ZFHX3: variants seen among roughly 807,000 people sequenced by gnomAD.
ZFHX3 encodes zinc finger homeobox 3.
ZFHX3 carries 42 observed loss-of-function variants against 279.1 expected under a neutral mutation model. The observed-to-expected ratio is 0.15, with a 90% CI of 0.12 to 0.19. The LOEUF is 0.19. Ranked by LOEUF, ZFHX3 falls within the 10% of genes least tolerant of loss-of-function variation. The pLI, the probability that ZFHX3 is intolerant of heterozygous loss-of-function variation, is 1.00. For synonymous variants in ZFHX3, 2,293 were observed against 1,957.8 expected (o/e 1.17, Z -4.52); for missense variants, 4,981 against 4,754.0 (o/e 1.05, Z -1.40).
intron 1 of ZFHX3, among the ~76,000 whole-genome samples, chr16:72,974,928 G>A (rs1310202903): frequency 6.6e-6 from 1 of 152,142 alleles, no homozygotes; most frequent in Non-Finnish European, 1.5e-5. Context: ...ATAACTCACT[G>A]CACTAGACTG....
intron 3 of ZFHX3, among the ~76,000 whole-genome samples, chr16:73,395,121 G>A (rs2017100886): frequency 6.6e-6 from 1 of 152,176 alleles, no homozygotes; most frequent in African/African-American, 2.4e-5. Context: ...GAGGGGAGAT[G>A]TCAGGGATAA....
chr16:72,837,623 G>A (rs888875951), intron 4 of ZFHX3, among the ~76,000 whole-genome samples: 4 of 144,364 alleles, frequency 2.8e-5, no homozygotes, highest in South Asian at 2.1e-4. Context: ...ATGCCACCAC[G>A]CCTAGATAAT....
At chr16:73,516,628 G>C (rs1202002224) in intron 2 of ZFHX3, among the ~76,000 whole-genome samples, 2 of 152,114 alleles carry the variant, frequency 1.3e-5, no homozygotes, top group Admixed American at 6.5e-5. Context: ...TTGAACCTCA[G>C]AACCAATATA....
intron 3 of ZFHX3, among the ~76,000 whole-genome samples, chr16:73,346,895 C>A (rs1445323849): frequency 2.0e-5 from 3 of 152,170 alleles, no homozygotes; most frequent in Non-Finnish European, 4.4e-5. Flanking sequence ...CTATTTACCA[C>A]TGTTGTAATT....
chr16:73,693,070 C>A (rs1467686382), intron 1 of ZFHX3, among the ~76,000 whole-genome samples: 1 of 152,018 alleles, frequency 6.6e-6, no homozygotes, highest in Non-Finnish European at 1.5e-5. Flanking sequence ...TAGGGGACAC[C>A]ACAGGTCTCT....
chr16:72,906,804 T>C (rs1283513457), intron 3 of ZFHX3, among the ~76,000 whole-genome samples: 1 of 151,894 alleles, frequency 6.6e-6, no homozygotes, highest in Non-Finnish European at 1.5e-5. Flanking sequence ...TCCACCCCCC[T>C]TCCCCCCCTC....
intron 2 of ZFHX3, among the ~76,000 whole-genome samples, chr16:73,557,117 A>G (rs866354540): frequency 1.3e-4 from 18 of 143,978 alleles, no homozygotes; most frequent in African/African-American, 4.6e-4. Context: ...AAAAAAAAAA[A>G]AAAGGCCTCA....
At chr16:73,609,788 C>G (rs906979817) in intron 2 of ZFHX3, 1 of 152,098 alleles carries the variant, frequency 6.6e-6, no homozygotes, top group Non-Finnish European at 1.5e-5. Context: ...AAATTCACAC[C>G]CAATCAAGTT....
chr16:73,510,150 CT>C (rs1486683032), intron 2 of ZFHX3, among the ~76,000 whole-genome samples: 3 of 152,178 alleles, frequency 2.0e-5, no homozygotes, highest in African/African-American at 4.8e-5. Context: ...GAAGACACCC[CT>C]GATCAGCAAA....
chr16:73,620,617 G>T (rs2052349719), intron 2 of ZFHX3, among the ~76,000 whole-genome samples: 1 of 152,194 alleles, frequency 6.6e-6, no homozygotes, highest in Non-Finnish European at 1.5e-5. Flanking sequence ...CCAATTTTCT[G>T]AGAAATTTCA....
rs1326695674 is a variant in ZFHX3, at chr16:72,794,379, G to A, written c.8303C>T (p.Thr2768Ile). Reference sequence around the variant, plus strand: ...GCTTGGGGGTAGGTGGGAAAAGCTAGTTCCGTCAAAAATATCTCCTTTCAT... The same window carrying A: ...GCTTGGGGGTAGGTGGGAAAAGCTAATTCCGTCAAAAATATCTCCTTTCAT... The part of the protein sequence containing the change: ...LQMKGDIFDG[T>I]SFSHLPPSSS... Residue 2768 changes from threonine (T) to isoleucine (I), a missense_variant, in exon 9 of 10, where the codon ACT becomes ATT. Physicochemically the swap from Thr to Ile is moderately conservative, Grantham distance 89. Coordinates refer to ENST00000268489, the MANE Select transcript of ZFHX3 (RefSeq NM_006885.4). This position sits in a 1 kb window ranked among gnomAD's most constrained non-coding sequence, Gnocchi z 4.2. The A allele has an allele frequency of 1.2e-6, 2 of 1,604,522 alleles. No homozygotes were observed. Among genetic ancestry groups the A allele is most frequent in the African/African-American group, 2.7e-5 (2 of 74,850 alleles).
chr16:72,863,340 T>TAAAAAAAAAAAAAAA (rs66692129), intron 4 of ZFHX3, among the ~76,000 whole-genome samples: 2 of 64,624 alleles, frequency 3.1e-5, no homozygotes, highest in African/African-American at 1.5e-4. Flanking sequence ...TCATCTCTAC[T>TAAAAAAAAAAAAAAA]AAAAAAAAAA....
intron 2 of ZFHX3, among the ~76,000 whole-genome samples, chr16:73,573,644 A>G (rs2051764940): frequency 6.6e-6 from 1 of 152,220 alleles, no homozygotes; most frequent in Non-Finnish European, 1.5e-5. Flanking sequence ...TATGATGATG[A>G]TTTAATTTAT....
At chr16:73,293,599 G>C (rs372169484) in intron 4 of ZFHX3, among the ~76,000 whole-genome samples, 35 of 152,360 alleles carry the variant, frequency 2.3e-4, no homozygotes, top group African/African-American at 8.4e-4. Context: ...AATTAAAGGA[G>C]TGTGGATTTT....
intron 2 of ZFHX3, among the ~76,000 whole-genome samples, chr16:73,509,790 G>C (rs1375915563): frequency 6.6e-6 from 1 of 151,346 alleles, no homozygotes; most frequent in Admixed American, 6.6e-5. Context: ...CCACCCCCGG[G>C]GTTCAAGCAA....
At chr16:73,836,867 C>A (rs1961156096) in intron 1 of ZFHX3, among the ~76,000 whole-genome samples, 1 of 152,190 alleles carries the variant, frequency 6.6e-6, no homozygotes, top group South Asian at 2.1e-4. Flanking sequence ...GATTTGTTCC[C>A]TTGAGAGTGG....
At chr16:73,498,763 C>G (rs563413394) in intron 2 of ZFHX3, among the ~76,000 whole-genome samples, 2 of 152,138 alleles carry the variant, frequency 1.3e-5, no homozygotes, top group South Asian at 4.1e-4. Context: ...CGGGAGCTCT[C>G]GAGCTGGAAT....
Position 73,161,223 on chromosome 16 carries a change from C to G in ZFHX3, c.-1103-17392G>C, listed in dbSNP as rs114135131. On this transcript the variant is annotated intron_variant, in intron 5 of 17. Transcript: ENST00000641206. Reference sequence around the variant, plus strand: ...AACTCCTGGGCTCAAGCAATCCTGTCTCAGCCTCCCAAACTTCTAGGATCA... The same window carrying G: ...AACTCCTGGGCTCAAGCAATCCTGTGTCAGCCTCCCAAACTTCTAGGATCA... Among the ~76,000 whole-genome samples the G allele has an allele frequency of 2.0e-3, 309 of 152,258 alleles. 1 individual carries two copies. Among genetic ancestry groups the G allele is most frequent in the African/African-American group, 6.8e-3 (282 of 41,542 alleles).
At chr16:72,881,469 G>A (rs898947027) in intron 4 of ZFHX3, among the ~76,000 whole-genome samples, 1 of 152,150 alleles carries the variant, frequency 6.6e-6, no homozygotes, top group Non-Finnish European at 1.5e-5. Flanking sequence ...CTGAGAAAAA[G>A]CCTTTGAGCT....
Sources: gnomAD v4.1 joint callset for allele counts (sites outside exome capture counted in the v4.1 genomes callset) on GRCh38, gnomAD v4.1.1 for gene constraint, Gnocchi (gnomAD v3.1) non-coding constraint, MANE v1.5 for transcripts, NCBI Gene and HGNC (gene_info 2026-07-23, HGNC 2026-07-21) for gene names.